The following AFDN variants were observed in gnomAD, a reference collection of about 807,000 sequenced individuals.
AFDN encodes the protein afadin, adherens junction formation factor.
Under a neutral mutation model 216.6 loss-of-function variants are expected in AFDN, and 68 were observed. The observed-to-expected ratio is 0.31, with a 90% CI of 0.26 to 0.38. The LOEUF is 0.38. Among genes scored for constraint, AFDN ranks in the 10% least tolerant of loss-of-function variants. The pLI, the probability that AFDN is intolerant of heterozygous loss-of-function variation, is 1.00. For missense variants in AFDN, 2,136 were observed against 2,342.0 expected (o/e 0.91, Z 1.82); for synonymous variants, 868 against 853.7 (o/e 1.02, Z -0.29).
At chr6:167,919,097 T>G (rs1252222166) in intron 21 of AFDN, among the ~76,000 whole-genome samples, 164 bp downstream of exon 21, 1 of 152,196 alleles carries the variant, frequency 6.6e-6, no homozygotes, top group Admixed American at 6.5e-5. Context: ...CATGGTGATG[T>G]AAGGTCAGAA....
chr6:167,910,169 G>A (rs1038794513), intron 13 of AFDN, among the ~76,000 whole-genome samples: 6 of 152,192 alleles, frequency 3.9e-5, no homozygotes, highest in African/African-American at 1.4e-4. Flanking sequence ...TCTGTGCCTA[G>A]CAATGGCTTT....
chr6:167,871,939 A>AGCTT (rs1213664137), intron 3 of AFDN, among the ~76,000 whole-genome samples: 1 of 152,160 alleles, frequency 6.6e-6, no homozygotes, highest in African/African-American at 2.4e-5. Flanking sequence ...TTTGTTTCTT[A>AGCTT]GCTTGCTTGC....
At chr6:167,919,574 G>A (rs1230412902) in intron 21 of AFDN, among the ~76,000 whole-genome samples, 1 of 152,252 alleles carries the variant, frequency 6.6e-6, no homozygotes, top group African/African-American at 2.4e-5. Flanking sequence ...GCTTGCGCCT[G>A]TGTGCTGGCA....
At chr6:167,895,669 T>A (rs931154915) in intron 9 of AFDN, among the ~76,000 whole-genome samples, 1 of 152,216 alleles carries the variant, frequency 6.6e-6, no homozygotes, top group East Asian at 1.9e-4. Context: ...CTTTTGTCTG[T>A]GAGAGTTTAG....
Position 167,917,123 on chromosome 6 carries a change from C to G in AFDN, c.2600C>G (p.Pro867Arg). ...TTGCTTACCATGGATAAGTATGCAC[C>G]TGATGACATTCCAAATATAAACAGC... ...TTLLTMDKYAPDDIPNINSTC... is the reference protein window; with the variant it reads ...TTLLTMDKYARDDIPNINSTC... The change falls in exon 20 of 34, where the codon CCT (proline) becomes CGT (arginine). Residue 867 changes from proline (P) to arginine (R), a missense_variant. Pro to Arg is a moderately radical substitution (Grantham distance 103). This residue lies in a region of AFDN where 162 missense variants were observed against 182.6 expected (regional missense o/e 0.89). Coordinates refer to ENST00000683244, the MANE Select transcript of AFDN (RefSeq NM_001386888.1). 6.2e-7 allele frequency: 1 copy of G among 1,613,358 alleles called. No individual in the cohort carries two copies. The highest frequency in any genetic ancestry group is 1.1e-5 in the South Asian group (1 of 90,886).
chr6:167,830,517 T>C (rs942621007), intron 1 of AFDN, among the ~76,000 whole-genome samples: 1 of 152,270 alleles, frequency 6.6e-6, no homozygotes, highest in African/African-American at 2.4e-5. Flanking sequence ...AGTGAGTATT[T>C]ATGTTTTCAT....
At chr6:167,895,203 A>AGT (rs1788088710) in intron 9 of AFDN, among the ~76,000 whole-genome samples, 1 of 152,194 alleles carries the variant, frequency 6.6e-6, no homozygotes, top group Non-Finnish European at 1.5e-5. Flanking sequence ...CGATACGGTT[A>AGT]GTGGTACAAT....
chr6:167,964,962 G>A (rs1333102342), intron 31 of AFDN: 5 of 1,053,988 alleles, frequency 4.7e-6, no homozygotes, highest in South Asian at 9.1e-5. Context: ...ACTGTAGTTT[G>A]TGCAGATGTA....
intron 30 of AFDN, chr6:167,952,572 G>T: frequency 5.4e-6 from 5 of 927,852 alleles, no homozygotes; most frequent in Non-Finnish European, 6.4e-6. Flanking sequence ...TTTAGGCTTT[G>T]CAGGCCACGG....
At chr6:167,897,031 A>G (rs1243945366) in intron 10 of AFDN, 59 bp downstream of exon 10, 1 of 902,212 alleles carries the variant, frequency 1.1e-6, no homozygotes. Flanking sequence ...AACGTATTGT[A>G]CAGAGCCTGC....
chr6:167,946,724 T>C lies in AFDN; in HGVS notation c.3376T>C (p.Ser1126Pro). The C allele has an allele frequency of 6.2e-7, 1 of 1,613,980 alleles. No individual in the cohort carries two copies. The highest frequency in any genetic ancestry group is 8.5e-7 in the Non-Finnish European group (1 of 1,179,960). The change falls in exon 27 of 34, where the codon TCA becomes CCA. Residue 1126 changes from serine to proline, a missense_variant. Coordinates refer to ENST00000683244, the MANE Select transcript of AFDN (RefSeq NM_001386888.1). ...MMQRISDRRG[S>P]GKPRPKSEGF... ...GATTCCAGTTTCAGATCGTCGTGGC[T>C]CAGGTAAACCCCGACCAAAGAGTGA...
At chr6:167,851,626 C>T (rs945578571) in intron 1 of AFDN, among the ~76,000 whole-genome samples, 1 of 152,130 alleles carries the variant, frequency 6.6e-6, no homozygotes, top group African/African-American at 2.4e-5. Flanking sequence ...AAATAGTAGC[C>T]CCTCCACTTT....
Position 167,827,074 on chromosome 6 carries a change from C to G in AFDN, c.-59C>G, listed in dbSNP as rs911653969. The stretch of plus-strand genomic sequence containing the variant: ...GGGCGCCGGGCCCCCGCGGACCTGT[C>G]GTCCTCGGCCCGTCCTCCGGCCCCG... On this transcript the variant is annotated 5_prime_UTR_variant, in exon 1 of 34. Coordinates refer to ENST00000683244, the MANE Select transcript of AFDN (RefSeq NM_001386888.1). The G allele has an allele frequency of 1.6e-4, 148 of 921,732 alleles. No homozygotes were observed. Among genetic ancestry groups the G allele is most frequent in the Middle Eastern group, 4.8e-4 (1 of 2,074 alleles). 57.1% of individuals were successfully genotyped at this position (921,732 alleles called of 1,614,324 possible). A position where few individuals can be genotyped will look rare whatever the true frequency, so the allele number is the denominator to read the frequency against.
intron 23 of AFDN, among the ~76,000 whole-genome samples, chr6:167,927,123 A>C (rs1792650656): frequency 6.6e-6 from 1 of 152,206 alleles, no homozygotes; most frequent in Non-Finnish European, 1.5e-5. Flanking sequence ...TGTGATTAAG[A>C]TCTAGTACAA....
chr6:167,840,221 T>G (rs1483167150), intron 1 of AFDN, among the ~76,000 whole-genome samples: 1 of 152,254 alleles, frequency 6.6e-6, no homozygotes, highest in Non-Finnish European at 1.5e-5. Context: ...GGGGTAAGGC[T>G]TGAGACCTTA....
intron 23 of AFDN, among the ~76,000 whole-genome samples, chr6:167,937,202 G>T (rs7772997): frequency 6.6e-6 from 1 of 152,072 alleles, no homozygotes; most frequent in African/African-American, 2.4e-5. Flanking sequence ...CCCGAATGCC[G>T]ACCAAAATGT....
At chr6:167,903,027 A>C (rs549227824) in intron 12 of AFDN, among the ~76,000 whole-genome samples, 10 of 152,314 alleles carry the variant, frequency 6.6e-5, no homozygotes, top group African/African-American at 2.2e-4. Flanking sequence ...AGTACCCTTA[A>C]TACACTCCTT....
chr6:167,833,326 T>C (rs1780032441), intron 1 of AFDN, among the ~76,000 whole-genome samples: 1 of 152,188 alleles, frequency 6.6e-6, no homozygotes, highest in South Asian at 2.1e-4. Context: ...GAAAGTGCCT[T>C]TGATTTTCAG....
At chr6:167,851,696 G>T (rs1782326187) in intron 1 of AFDN, among the ~76,000 whole-genome samples, 1 of 152,202 alleles carries the variant, frequency 6.6e-6, no homozygotes, top group South Asian at 2.1e-4. Context: ...GGTATTAAGT[G>T]AAAGTAAAAT....
Sources: gnomAD v4.1 joint callset for allele counts (sites outside exome capture counted in the v4.1 genomes callset) on GRCh38, gnomAD v4.1.1 for gene constraint, gnomAD v4.1.1 regional missense constraint, MANE v1.5 for transcripts, NCBI Gene and HGNC (gene_info 2026-07-23, HGNC 2026-07-21) for gene names.